Variants in CSMD2 observed in about 807,000 individuals in gnomAD.
The protein encoded by CSMD2 is CUB and Sushi multiple domains 2, also known as CUB and sushi domain-containing protein 2.
Under a neutral mutation model 398.5 loss-of-function variants are expected in CSMD2, and 130 were observed. The observed-to-expected ratio is 0.33, with a 90% CI of 0.28 to 0.38. CSMD2 has a LOEUF of 0.38. Ranked by LOEUF, CSMD2 falls within the 10% of genes least tolerant of loss-of-function variation. The pLI, the probability that CSMD2 is intolerant of heterozygous loss-of-function variation, is 1.00. For missense variants in CSMD2, 3,829 were observed against 4,764.9 expected, an observed-to-expected ratio of 0.80 and a Z score of 5.78; for synonymous variants, 1,828 against 1,908.5, an observed-to-expected ratio of 0.96 and a Z score of 1.10.
intron 44 of CSMD2, chr1:33,599,164 G>C (rs1045922399): frequency 6.6e-6 from 1 of 152,250 alleles, no homozygotes; most frequent in African/African-American, 2.4e-5. Context: ...TCATCTGAGA[G>C]GCAGAAGGAG....
At chr1:34,040,117 G>A (rs1651667735) in intron 2 of CSMD2, among the ~76,000 whole-genome samples, 1 of 151,960 alleles carries the variant, frequency 6.6e-6, no homozygotes, top group South Asian at 2.1e-4. Context: ...CTTGAGCCTA[G>A]GAGTTCGAAG....
At chr1:33,804,721 G>C in intron 10 of CSMD2, 1 of 717,356 alleles carries the variant, frequency 1.4e-6, no homozygotes, top group Non-Finnish European at 2.6e-6. Context: ...TGGATAGGCA[G>C]TCCTTGGATA....
At chr1:34,099,242 T>C (rs941318668) in intron 1 of CSMD2, among the ~76,000 whole-genome samples, 1 of 152,232 alleles carries the variant, frequency 6.6e-6, no homozygotes, top group African/African-American at 2.4e-5. Flanking sequence ...CATCATGCCA[T>C]TAATTCCTTC....
At chr1:33,865,008 G>A (rs1208294370) in intron 5 of CSMD2, among the ~76,000 whole-genome samples, 1 of 147,932 alleles carries the variant, frequency 6.8e-6, no homozygotes, top group Non-Finnish European at 1.5e-5. Context: ...GGGAGGGAAG[G>A]GCTGGCTTTG....
chr1:33,700,174 A>G (rs1645562595), intron 23 of CSMD2, among the ~76,000 whole-genome samples: 1 of 151,968 alleles, frequency 6.6e-6, no homozygotes, highest in East Asian at 1.9e-4. Flanking sequence ...ACGCCCAGCT[A>G]ATTTTTGTAG....
intron 1 of CSMD2, among the ~76,000 whole-genome samples, chr1:34,090,322 C>G (rs1368494692): frequency 6.6e-6 from 1 of 152,150 alleles, no homozygotes; most frequent in African/African-American, 2.4e-5. Context: ...GAGCTTCCTC[C>G]CACAATACCA....
intron 41 of CSMD2, among the ~76,000 whole-genome samples, chr1:33,608,756 G>C (rs1228468083): frequency 6.6e-6 from 1 of 152,086 alleles, no homozygotes; most frequent in East Asian, 1.9e-4. Flanking sequence ...GGAGGGGCCC[G>C]GACAGAGTCT....
chr1:34,098,904 C>T (rs902941143), intron 1 of CSMD2, among the ~76,000 whole-genome samples: 4 of 133,618 alleles, frequency 3.0e-5, no homozygotes, highest in African/African-American at 1.2e-4. Context: ...TAAAAGTATG[C>T]ATATGTCAAC....
chr1:33,630,467 A>G (rs1204314401), intron 32 of CSMD2, among the ~76,000 whole-genome samples: 1 of 152,186 alleles, frequency 6.6e-6, no homozygotes, highest in African/African-American at 2.4e-5. Flanking sequence ...TTTTCTTTGC[A>G]TTTTACAGAG....
At chr1:33,553,807 G>A (rs1020414764) in intron 55 of CSMD2, among the ~76,000 whole-genome samples, 9 of 152,112 alleles carry the variant, frequency 5.9e-5, no homozygotes, top group Non-Finnish European at 1.3e-4. Flanking sequence ...CTTTATTGTA[G>A]GGGGCTGTCC....
chr1:33,988,293 T>C (rs575805459), intron 3 of CSMD2, among the ~76,000 whole-genome samples: 435 of 152,324 alleles, frequency 2.9e-3, no homozygotes, highest in Middle Eastern at 6.8e-3. Context: ...TGACATGTGA[T>C]GGCACATGAG....
intron 66 of CSMD2, among the ~76,000 whole-genome samples, chr1:33,524,315 C>T (rs1459644870): frequency 6.6e-6 from 1 of 152,080 alleles, no homozygotes; most frequent in East Asian, 1.9e-4. Flanking sequence ...ATGTTTGACT[C>T]CCTCCGTATC....
At chr1:34,156,738 T>G (rs182209084) in intron 1 of CSMD2, among the ~76,000 whole-genome samples, 1 of 152,350 alleles carries the variant, frequency 6.6e-6, no homozygotes, top group East Asian at 1.9e-4. Flanking sequence ...CTCAGAGTAA[T>G]TTGGTGCTCT....
chr1:33,705,204 C>A (rs1308925184), intron 22 of CSMD2, among the ~76,000 whole-genome samples: 1 of 152,058 alleles, frequency 6.6e-6, no homozygotes, highest in Non-Finnish European at 1.5e-5. Flanking sequence ...ATTAGTAAAT[C>A]AAACTAACAT....
chr1:33,844,305 G>A (rs2125072367), intron 6 of CSMD2, among the ~76,000 whole-genome samples: 1 of 152,064 alleles, frequency 6.6e-6, no homozygotes, highest in East Asian at 1.9e-4. Context: ...CGCTGCTAAT[G>A]GCTGCTGGTC....
intron 21 of CSMD2, among the ~76,000 whole-genome samples, chr1:33,713,176 C>T (rs762883919): frequency 7.9e-5 from 12 of 152,200 alleles, no homozygotes; most frequent in Admixed American, 6.5e-4. Context: ...GAGATCTAGG[C>T]GTTGGTAAGT....
At chr1:33,724,860 G>A (rs188103809) in intron 17 of CSMD2, among the ~76,000 whole-genome samples, 156 bp from the exon 18 acceptor site, 2 of 152,358 alleles carry the variant, frequency 1.3e-5, no homozygotes, top group African/African-American at 4.8e-5. Flanking sequence ...TTTGCTGAGA[G>A]TGGCTTAGGT....
chr1:34,121,992 TG>T (rs1270006388), intron 1 of CSMD2, among the ~76,000 whole-genome samples: 11 of 130,234 alleles, frequency 8.4e-5, no homozygotes, highest in African/African-American at 3.0e-4. Context: ...GGAATTTTTC[TG>T]GTTTTTTTTT....
chr1:33,740,834 C>T (rs563160432), intron 14 of CSMD2, among the ~76,000 whole-genome samples: 4 of 152,274 alleles, frequency 2.6e-5, no homozygotes, highest in East Asian at 1.9e-4. Context: ...CACGCGCGCG[C>T]GTGCATGCGC....
Sources: allele counts gnomAD v4.1 joint callset (sites outside exome capture counted in the v4.1 genomes callset), GRCh38; gene constraint gnomAD v4.1.1; transcripts MANE v1.5; gene names NCBI Gene and HGNC (gene_info 2026-07-23, HGNC 2026-07-21).